Variants in SYT6 observed in about 807,000 individuals in gnomAD.
SYT6 encodes synaptotagmin-6.
SYT6 carries 24 observed loss-of-function variants against 38.4 expected under a neutral mutation model. The observed-to-expected ratio is 0.62, with a 90% CI of 0.45 to 0.88. The LOEUF is 0.88. Among genes scored for constraint, SYT6 ranks in the 40% least tolerant of loss-of-function variants. SYT6 has a pLI of 0.00. For missense variants in SYT6, 611 were observed against 621.0 expected (o/e 0.98, Z 0.17); for synonymous variants, 265 against 241.9 (o/e 1.10, Z -0.89).
intron 3 of SYT6, among the ~76,000 whole-genome samples, chr1:114,133,420 G>C (rs1214944166): frequency 1.3e-5 from 2 of 152,160 alleles, no homozygotes; most frequent in Non-Finnish European, 2.9e-5. Context: ...CCGGGTGACG[G>C]CAGCTCTATT....
chr1:114,133,886 C>T (rs538338808), intron 3 of SYT6, among the ~76,000 whole-genome samples: 1 of 152,174 alleles, frequency 6.6e-6, no homozygotes, highest in Admixed American at 6.5e-5. Flanking sequence ...ATGTGTACCT[C>T]CCCTCCACTA....
intron 3 of SYT6, among the ~76,000 whole-genome samples, chr1:114,130,820 A>G (rs1678099075): frequency 1.3e-5 from 2 of 152,188 alleles, no homozygotes; most frequent in Admixed American, 1.3e-4. Context: ...ACTCCTGCCC[A>G]GGACAGACCT....
At chr1:114,131,561 C>T (rs1232097040) in intron 3 of SYT6, among the ~76,000 whole-genome samples, 1 of 152,182 alleles carries the variant, frequency 6.6e-6, no homozygotes, top group African/African-American at 2.4e-5. Flanking sequence ...CAGGTGTGTG[C>T]CTTGTGTATG....
chr1:114,114,795 C>A (rs1452781678), intron 3 of SYT6, among the ~76,000 whole-genome samples: 1 of 152,242 alleles, frequency 6.6e-6, no homozygotes, highest in Admixed American at 6.5e-5. Flanking sequence ...CCTAATGCAA[C>A]TGAAGTCATT....
intron 3 of SYT6, among the ~76,000 whole-genome samples, chr1:114,135,892 T>TA (rs753626202): frequency 2.6e-5 from 4 of 152,200 alleles, no homozygotes; most frequent in Admixed American, 6.5e-5. Context: ...AGCCACAGCC[T>TA]AAGGAGACCA....
chr1:114,144,475 C>G (rs139410117), intron 1 of SYT6, among the ~76,000 whole-genome samples: 28 of 152,322 alleles, frequency 1.8e-4, no homozygotes, highest in Non-Finnish European at 3.8e-4. Flanking sequence ...CAGGCTGGCA[C>G]TCTTTCCTCT....
chr1:114,109,960 T>C (rs1571840133), intron 3 of SYT6, among the ~76,000 whole-genome samples: 1 of 151,714 alleles, frequency 6.6e-6, no homozygotes, highest in Admixed American at 6.6e-5. Flanking sequence ...GGGCAGGGAG[T>C]GTTCGGGGCG....
chr1:114,139,789 C>T lies in SYT6; in HGVS notation c.338G>A (p.Gly113Asp). The stretch of plus-strand genomic sequence containing the variant: ...GTCCTTCAGCTTGTCCGCCATGTTG[C>T]CTCTGAAGCTGGGGCTCTGGAGGGC... ...LEALQSPSFR[G>D]NMADKLKDPS... The change falls in exon 2 of 8, where the codon GGC (glycine) becomes GAC (aspartate). Residue 113 changes from glycine (G) to aspartate (D), a missense_variant. Coordinates refer to ENST00000610222, the MANE Select transcript of SYT6 (RefSeq NM_001253772.2). The T allele has an allele frequency of 1.2e-6, 2 of 1,611,564 alleles. No individual in the cohort carries two copies. Among genetic ancestry groups the T allele is most frequent in the South Asian group, 1.1e-5 (1 of 90,680 alleles).
chr1:114,151,978 A>T (rs1043020702), intron 1 of SYT6, among the ~76,000 whole-genome samples: 2 of 152,050 alleles, frequency 1.3e-5, no homozygotes, highest in East Asian at 3.9e-4. Flanking sequence ...CCATTGACTA[A>T]ACATTGCCAC....
At chr1:114,101,523 G>A (rs1001300436) in intron 4 of SYT6, among the ~76,000 whole-genome samples, 1 of 152,172 alleles carries the variant, frequency 6.6e-6, no homozygotes, top group Non-Finnish European at 1.5e-5. Context: ...GCTATTTTTA[G>A]TGTCATGGTT....
intron 1 of SYT6, among the ~76,000 whole-genome samples, chr1:114,140,980 T>C (rs1400726641): frequency 6.6e-6 from 1 of 152,236 alleles, no homozygotes; most frequent in Non-Finnish European, 1.5e-5. Context: ...GCCAACCTAA[T>C]TGATAAATGT....
intron 1 of SYT6, among the ~76,000 whole-genome samples, chr1:114,143,222 G>A (rs1404978052): frequency 6.8e-6 from 1 of 147,878 alleles, no homozygotes; most frequent in Non-Finnish European, 1.5e-5. Flanking sequence ...TAATTCTATT[G>A]TGCTATTCTA....
intron 3 of SYT6, among the ~76,000 whole-genome samples, chr1:114,133,355 G>A (rs1305702345): frequency 6.6e-6 from 1 of 152,314 alleles, no homozygotes; most frequent in East Asian, 1.9e-4. Flanking sequence ...AGTTGTGTGC[G>A]GTGGGGTCTG....
chr1:114,105,314 C>T (rs956432644), intron 3 of SYT6, among the ~76,000 whole-genome samples: 5 of 150,780 alleles, frequency 3.3e-5, no homozygotes, highest in South Asian at 4.2e-4. Flanking sequence ...CTGTTCCCCC[C>T]CTGGAGAATA....
At position 114,090,763 on chromosome 1, in the gene SYT6, T is replaced by C. The variant is rs1325078517; in HGVS notation, c.*1371A>G. On this transcript the variant is annotated 3_prime_UTR_variant, in exon 8 of 8. Transcript: ENST00000610222. ...CAAACTGAGATTGAGCAAATCAACC[T>C]GGTTTTAGGGGTTGGTGGGAAGACC... The C allele has an allele frequency of 6.6e-6, 1 of 152,398 alleles. No homozygotes were observed. The highest frequency in any genetic ancestry group is 2.4e-5 in the African/African-American group (1 of 41,468). The allele number at this position is 152,398 out of a possible 1,614,324, so 9.4% of individuals were successfully genotyped here. A position where few individuals can be genotyped will look rare whatever the true frequency, so the allele number is the denominator to read the frequency against.
chr1:114,137,918 C>T lies in SYT6; in HGVS notation c.648G>A (p.Ser216=), dbSNP rs17032441. 0.2 allele frequency: 323,377 copies of T among 1,613,706 alleles called. 33,335 individuals are homozygous for T. The highest frequency in any genetic ancestry group is 0.28 in the East Asian group (12,387 of 44,808). ...CAGACTTGGCATCCTCCCCATCCAC[C>T]GACTTCTGCTTGTAGAGCTCAGGCT... is the stretch of plus-strand genomic sequence containing the variant. ...RIKPELYKQK[S]VDGEDAKSEA... is the part of the protein sequence containing the mutation. The change falls in exon 3 of 8, where the codon TCG becomes TCA. Residue 216 remains serine, a synonymous_variant. Coordinates refer to ENST00000610222, the MANE Select transcript of SYT6 (RefSeq NM_001253772.2).
chr1:114,092,129 CA>C, intron 7 of SYT6, 47 bp from the exon 8 acceptor site: 2 of 1,517,658 alleles, frequency 1.3e-6, no homozygotes, highest in Non-Finnish European at 1.8e-6. Flanking sequence ...AAGGAATTTA[CA>C]TTTCAACTTG....
chr1:114,099,408 C>T (rs1293397592), intron 4 of SYT6, 143 bp from the exon 5 acceptor site: 1 of 788,410 alleles, frequency 1.3e-6, no homozygotes, highest in Non-Finnish European at 1.9e-6. Context: ...AATTAAACCA[C>T]CTTGTATTTA....
intron 6 of SYT6, among the ~76,000 whole-genome samples, chr1:114,094,398 T>C (rs771090949): frequency 1.3e-5 from 2 of 152,160 alleles, no homozygotes; most frequent in African/African-American, 2.4e-5. Flanking sequence ...TGGCAGATGA[T>C]CTGAACCCGG....
Sources: gnomAD v4.1 joint callset for allele counts (sites outside exome capture counted in the v4.1 genomes callset) on GRCh38, gnomAD v4.1.1 for gene constraint, MANE v1.5 for transcripts, NCBI Gene and HGNC (gene_info 2026-07-23, HGNC 2026-07-21) for gene names.